WDR75: variants seen among roughly 807,000 people sequenced by gnomAD.
WDR75 encodes the protein WD repeat-containing protein 75.
Under a neutral mutation model 106.1 loss-of-function variants are expected in WDR75, and 52 were observed. The observed-to-expected ratio is 0.49, with a 90% CI of 0.39 to 0.62. The LOEUF is 0.62. WDR75 is among the 20% of genes least tolerant of loss of function. The pLI is 0.00. For synonymous variants in WDR75, 333 were observed against 335.5 expected (o/e 0.99, Z 0.08); for missense variants, 905 against 970.3 (o/e 0.93, Z 0.89).
chr2:189,456,063 G>T (rs1313470441), intron 5 of WDR75, among the ~76,000 whole-genome samples: 1 of 152,148 alleles, frequency 6.6e-6, no homozygotes, highest in Non-Finnish European at 1.5e-5. Context: ...GTAGCGGCAT[G>T]CTTCTTTAGT....
chr2:189,468,402 G>A (rs2105571723), intron 14 of WDR75, 73 bp from the exon 15 acceptor site: 3 of 1,365,054 alleles, frequency 2.2e-6, no homozygotes, highest in Non-Finnish European at 3.1e-6. Flanking sequence ...AACAGCCGCT[G>A]GAAGCCTGCA....
chr2:189,458,012 C>T (rs1686776447), intron 6 of WDR75, among the ~76,000 whole-genome samples: 3 of 151,288 alleles, frequency 2.0e-5, no homozygotes, highest in Admixed American at 2.0e-4. Flanking sequence ...TAACCTCCGC[C>T]TCCCGGGTTC....
At chr2:189,464,465 C>G (rs1018469006) in intron 11 of WDR75, among the ~76,000 whole-genome samples, 2 of 151,980 alleles carry the variant, frequency 1.3e-5, no homozygotes, top group Admixed American at 1.3e-4. Flanking sequence ...GACACTAGCT[C>G]TTTCTCACCG....
intron 18 of WDR75, among the ~76,000 whole-genome samples, chr2:189,473,658 C>A (rs1687158551): frequency 6.6e-6 from 1 of 152,144 alleles, no homozygotes; most frequent in African/African-American, 2.4e-5. Flanking sequence ...TTTCCACCAG[C>A]CCGTCTGGTT....
At chr2:189,473,935 G>C (rs1331048455) in intron 18 of WDR75, among the ~76,000 whole-genome samples, 1 of 152,134 alleles carries the variant, frequency 6.6e-6, no homozygotes, top group African/African-American at 2.4e-5. Flanking sequence ...ATTTTTGTGG[G>C]ATTTGGTGAA....
chr2:189,458,712 G>A (rs767154266), intron 6 of WDR75, 41 bp from the exon 7 acceptor site: 1 of 1,481,126 alleles, frequency 6.8e-7, no homozygotes, highest in Non-Finnish European at 9.0e-7. Flanking sequence ...CTTATCAAGA[G>A]ACTTTAATAA....
At chr2:189,458,218 C>T (rs1686780766) in intron 6 of WDR75, among the ~76,000 whole-genome samples, 1 of 152,140 alleles carries the variant, frequency 6.6e-6, no homozygotes, top group Non-Finnish European at 1.5e-5. Context: ...CCACTGTGCC[C>T]GGCCAATTGC....
chr2:189,473,730 G>A (rs997275607), intron 18 of WDR75, among the ~76,000 whole-genome samples: 1 of 152,036 alleles, frequency 6.6e-6, no homozygotes, highest in Admixed American at 6.6e-5. Flanking sequence ...CTGAGCATTT[G>A]CAGGATTCTG....
intron 3 of WDR75, 64 bp downstream of exon 3, chr2:189,451,032 G>C: frequency 6.5e-7 from 1 of 1,541,372 alleles, no homozygotes; most frequent in Non-Finnish European, 8.7e-7. Context: ...TTTAATGGTA[G>C]ATGTACTGTT....
Position 189,451,003 on chromosome 2 carries a change from A to G in WDR75, c.282+35A>G, listed in dbSNP as rs544410873. 134 of 1,578,380 alleles carry G rather than the reference A, an allele frequency of 8.5e-5. 3 individuals carry two copies. In the South Asian group the frequency reaches 1.3e-3, roughly 15 times the overall value. ...TTGATCTTTACTTTTCGTTATGTGA[A>G]TAAAAAAAGGCAATGTAATTTAATG... On this transcript the variant is annotated intron_variant, in intron 3 of 20. Transcript: ENST00000314761.
intron 16 of WDR75, 135 bp downstream of exon 16, chr2:189,469,574 G>A (rs1687075321): frequency 1.5e-6 from 1 of 661,248 alleles, no homozygotes; most frequent in African/African-American, 1.8e-5. Context: ...GCCCTTCTTT[G>A]CCCCAACACT....
Position 189,450,117 on chromosome 2 carries a change from CA to C in WDR75, c.217-782del, listed in dbSNP as rs931486194. 1.3e-5 allele frequency: 12 copies of C among 954,146 alleles called. No homozygotes were observed. In the African/African-American group the frequency reaches 1.9e-4, roughly 15 times the overall value. The allele number at this position is 954,146 out of a possible 1,614,324, so 59.1% of individuals were successfully genotyped here. ...ATAAGAGTACAGAATGTGAGTGTCA[CA>C]AAACACTTTGACATTGCCTCAGCAT... On this transcript the variant is annotated intron_variant, in intron 2 of 20. Transcript: ENST00000314761.
chr2:189,453,846 C>G lies in WDR75; in HGVS notation c.374-1474C>G, dbSNP rs573226611. On this transcript the variant is annotated intron_variant, in intron 4 of 20. Transcript: ENST00000314761. ...CTATGTTCCACAGCCCAAAACCAGA[C>G]TCTCTGATAGAAAATTGAATAAATC... 3.3e-5 allele frequency among the ~76,000 whole-genome samples: 5 copies of G among 152,158 alleles called. No individual in the cohort carries two copies. The South Asian group carries it at 1.0e-3, about 31-fold the overall frequency.
At position 189,441,531 on chromosome 2, in the gene WDR75, C is replaced by T; in HGVS notation, c.39C>T (p.Gly13=). 6.4e-7 allele frequency: 1 copy of T among 1,565,094 alleles called. No individual in the cohort carries two copies. Among genetic ancestry groups the T allele is most frequent in the Non-Finnish European group, 8.7e-7 (1 of 1,153,596 alleles). The part of the protein sequence containing the change: ...EEENIRVVRC[G]GSELNFRRAV... ...AGAACATCCGCGTGGTTCGTTGTGG[C>T]GGCAGCGAGTTGAACTTTAGGAGAG... The change falls in exon 1 of 21, where the codon GGC becomes GGT. Residue 13 remains glycine (G), a synonymous_variant. Coordinates refer to ENST00000314761, the MANE Select transcript of WDR75 (RefSeq NM_032168.3).
intron 14 of WDR75, 30 bp from the exon 15 acceptor site, chr2:189,468,445 G>A (rs763722778): frequency 6.2e-7 from 1 of 1,608,160 alleles, no homozygotes; most frequent in East Asian, 2.2e-5. Context: ...AGAACTGACT[G>A]TTGCTAACTT....
intron 1 of WDR75, among the ~76,000 whole-genome samples, chr2:189,444,945 A>G (rs1686463923): frequency 6.6e-6 from 1 of 152,126 alleles, no homozygotes; most frequent in Non-Finnish European, 1.5e-5. Context: ...TCTAGTTTAA[A>G]TCTTGGTTCC....
chr2:189,452,043 G>A (rs927344700), intron 4 of WDR75, 148 bp downstream of exon 4: 2 of 600,444 alleles, frequency 3.3e-6, no homozygotes, highest in Non-Finnish European at 5.7e-6. Flanking sequence ...GTGCTCATTT[G>A]GAGATGGTTT....
In WDR75 at chr2:189,475,338, T is replaced by C; in HGVS notation, c.2414T>C (p.Ile805Thr). 6.2e-7 allele frequency: 1 copy of C among 1,612,684 alleles called. No individual in the cohort carries two copies. Among genetic ancestry groups the C allele is most frequent in the Non-Finnish European group, 8.5e-7 (1 of 1,179,220 alleles). ...TSNTGLGEDI[I>T]HQLSKSEEKE... ...AACACAGGTTTAGGAGAAGACATTA[T>C]ACATCAGTTGTCAAAATCTGAAGAA... Residue 805 changes from isoleucine (I) to threonine (T), a missense_variant, in exon 21 of 21, where the codon ATA becomes ACA. By Grantham distance (89) the Ile-to-Thr change is moderately conservative. Coordinates refer to ENST00000314761, the MANE Select transcript of WDR75 (RefSeq NM_032168.3).
rs1460112563 is a variant in WDR75, at chr2:189,441,571, G to C, written c.79G>C (p.Asp27His). ...LNFRRAVFSADSKYIFCVSGD... is the reference protein window; with the variant it reads ...LNFRRAVFSAHSKYIFCVSGD... ...CTTTAGGAGAGCTGTGTTCTCTGCA[G>C]ATTCTAAGTATGAGGGGCACCGCGC... is the stretch of plus-strand genomic sequence containing the variant. The change falls in exon 1 of 21, where the codon GAT (aspartate) becomes CAT (histidine). Residue 27 changes from aspartate (D) to histidine (H), a missense_variant. Coordinates refer to ENST00000314761, the MANE Select transcript of WDR75 (RefSeq NM_032168.3). 1.3e-6 allele frequency: 2 copies of C among 1,558,594 alleles called. No homozygotes were observed. The highest frequency in any genetic ancestry group is 1.7e-6 in the Non-Finnish European group (2 of 1,150,172).
Sources: allele counts gnomAD v4.1 joint callset (sites outside exome capture counted in the v4.1 genomes callset), GRCh38; gene constraint gnomAD v4.1.1; transcripts MANE v1.5; gene names NCBI Gene and HGNC (gene_info 2026-07-23, HGNC 2026-07-21).